The following FAM83G variants were observed in gnomAD, a reference collection of about 807,000 sequenced individuals.
FAM83G encodes protein FAM83G.
A neutral mutation model predicts 61.5 loss-of-function variants in FAM83G; 38 were observed. The ratio of observed to expected loss-of-function variants is 0.62; its 90% CI spans 0.48 to 0.81. FAM83G has a LOEUF of 0.81. FAM83G is among the 30% of genes least tolerant of loss of function. FAM83G has a pLI of 0.00. For synonymous variants in FAM83G, 470 were observed against 476.1 expected (o/e 0.99, Z 0.17); for missense variants, 989 against 1,133.6 (o/e 0.87, Z 1.83).
At position 18,971,573 on chromosome 17, in the gene FAM83G, C is replaced by G. The variant is rs769798616; in HGVS notation, c.2258G>C (p.Arg753Pro). The change falls in exon 6 of 6, where the codon CGC (arginine) becomes CCC (proline). Residue 753 changes from arginine to proline, a missense_variant. This residue lies in a region of FAM83G where 574 missense variants were observed against 645.1 expected (regional missense o/e 0.89). Coordinates refer to ENST00000388995, the MANE Select transcript of FAM83G (RefSeq NM_001039999.3). This position sits in a 1 kb window ranked among gnomAD's most constrained non-coding sequence, Gnocchi z 5.5. Reference sequence around the variant, plus strand: ...TGGGCTGCCGGGATCCGGAAGCAGGCGGGGTACCTGACCTCCCTTGGCCTG... The same window carrying G: ...TGGGCTGCCGGGATCCGGAAGCAGGGGGGGTACCTGACCTCCCTTGGCCTG... ...HWQAKGGQVP[R>P]LLPDPGSPRL... The G allele has an allele frequency of 1.9e-6, 3 of 1,613,480 alleles. No individual in the cohort carries two copies. Among genetic ancestry groups the G allele is most frequent in the Non-Finnish European group, 2.5e-6 (3 of 1,180,006 alleles).
Position 18,977,771 on chromosome 17 carries a change from C to T in FAM83G, c.1895G>A (p.Arg632His), listed in dbSNP as rs374490985. Residue 632 changes from arginine to histidine, a missense_variant, in exon 5 of 6, where the codon CGC becomes CAC. Transcript: ENST00000388995. ...CCCGTTGGCCACTTGCTCTGAGTGGCGCCTCCGGAGAGGGACTGAGTGCTC... is the reference window on the plus strand; with the variant it reads ...CCCGTTGGCCACTTGCTCTGAGTGGTGCCTCCGGAGAGGGACTGAGTGCTC... ...VREHSVPLRR[R>H]HSEQVANGPT... 50 of 1,602,178 alleles carry T rather than the reference C, an allele frequency of 3.1e-5. No homozygotes were observed. Among genetic ancestry groups the T allele is most frequent in the Middle Eastern group, 3.3e-4 (2 of 6,040 alleles).
chr17:18,995,814 A>T (rs2043553685), intron 2 of FAM83G, among the ~76,000 whole-genome samples: 1 of 152,044 alleles, frequency 6.6e-6, no homozygotes, highest in Admixed American at 6.6e-5. Flanking sequence ...AGGCTGAGGC[A>T]GGAGAATTGC....
chr17:18,978,507 C>T lies in FAM83G; in HGVS notation c.1159G>A (p.Glu387Lys), dbSNP rs1567791062. Residue 387 changes from glutamate to lysine, a missense_variant, in exon 5 of 6, where the codon GAA becomes AAA. Physicochemically the swap from Glu to Lys is moderately conservative, Grantham distance 56 (BLOSUM62 1). Transcript: ENST00000388995. ...ATGGGTGGCAGCAGCTCGGGGAGTT[C>T]CCCTGGATGCTCAGCCAGCGCTGGG... ...KGPALAEHPG[E>K]LPELLPPIHP... is the part of the protein sequence containing the mutation. The T allele has an allele frequency of 1.2e-6, 2 of 1,613,142 alleles. No individual in the cohort carries two copies. Among genetic ancestry groups the T allele is most frequent in the East Asian group, 2.2e-5 (1 of 44,886 alleles).
intron 3 of FAM83G, among the ~76,000 whole-genome samples, chr17:18,985,516 G>A (rs907153850): frequency 2.0e-5 from 3 of 152,110 alleles, no homozygotes; most frequent in Admixed American, 1.3e-4. Flanking sequence ...CAGGCCCAGG[G>A]ATTATCGGCA....
chr17:19,001,434 T>C (rs894957679), intron 2 of FAM83G, among the ~76,000 whole-genome samples: 16 of 152,192 alleles, frequency 1.1e-4, no homozygotes, highest in Admixed American at 9.8e-4. Context: ...GTTTCAGCAG[T>C]GAGTGCCCCA....
chr17:18,974,040 G>A (rs563912719), intron 5 of FAM83G, among the ~76,000 whole-genome samples: 1 of 152,146 alleles, frequency 6.6e-6, no homozygotes, highest in African/African-American at 2.4e-5. Flanking sequence ...TTACAAGCGT[G>A]TACCATCATG....
chr17:18,987,415 C>T (rs754464621), intron 3 of FAM83G, among the ~76,000 whole-genome samples: 14 of 152,210 alleles, frequency 9.2e-5, no homozygotes, highest in East Asian at 5.8e-4. Context: ...AAGTATTCGC[C>T]GTCATCACGC....
At position 18,971,410 on chromosome 17, in the gene FAM83G, T is replaced by C; in HGVS notation, c.2421A>G (p.Ser807=). ...KARTGGSQWA[S]SDSKRRAQAP... is the part of the protein sequence containing the mutation. ...CTTGAGCCCTCCGTTTAGAATCCGA[T>C]GAGGCCCACTGGCTACCGCCCGTCC... Residue 807 remains serine, a synonymous_variant, in exon 6 of 6, where the codon TCA becomes TCG. Transcript: ENST00000388995. The surrounding 1 kb of genome is among the most constrained non-coding windows in gnomAD (Gnocchi z 5.5). 6.2e-7 allele frequency: 1 copy of C among 1,613,854 alleles called. No homozygotes were observed.
At chr17:18,981,981 C>T (rs996304419) in intron 3 of FAM83G, among the ~76,000 whole-genome samples, 8 of 152,230 alleles carry the variant, frequency 5.3e-5, no homozygotes, top group Admixed American at 1.3e-4. Context: ...GCTCCTGGCC[C>T]GGCCACAGAC....
intron 2 of FAM83G, among the ~76,000 whole-genome samples, chr17:18,998,179 C>T (rs1322907647): frequency 6.6e-6 from 1 of 152,262 alleles, no homozygotes; most frequent in Non-Finnish European, 1.5e-5. Flanking sequence ...AGGCTGGGGC[C>T]AACGTGGGCC....
intron 2 of FAM83G, among the ~76,000 whole-genome samples, chr17:18,989,645 C>T (rs976091451): frequency 2.6e-5 from 4 of 152,212 alleles, no homozygotes; most frequent in Admixed American, 1.3e-4. Context: ...GCAAAGAGCC[C>T]GACGGGGGGC....
chr17:18,990,533 G>A (rs2043389966), intron 2 of FAM83G, among the ~76,000 whole-genome samples: 1 of 152,212 alleles, frequency 6.6e-6, no homozygotes, highest in Non-Finnish European at 1.5e-5. Context: ...CGTGGCAGAT[G>A]GGGACTTGCC....
At position 18,971,288 on chromosome 17, in the gene FAM83G, C is replaced by T; in HGVS notation, c.*71G>A. On this transcript the variant is annotated 3_prime_UTR_variant, in exon 6 of 6. Transcript: ENST00000388995. The surrounding 1 kb of genome is among the most constrained non-coding windows in gnomAD (Gnocchi z 5.5). The stretch of plus-strand genomic sequence containing the variant: ...AGTGGGCTCTGGTAGGCCCAGGCGG[C>T]CTGTCTGCCCTCCGCGTCATGAGTC... The T allele has an allele frequency of 6.2e-7, 1 of 1,609,502 alleles. No individual in the cohort carries two copies. The highest frequency in any genetic ancestry group is 8.5e-7 in the Non-Finnish European group (1 of 1,176,924).
rs918347304 is a variant in FAM83G, at chr17:18,979,267, G to A, written c.815+282C>T. 15 of 490,160 alleles carry A rather than the reference G, an allele frequency of 3.1e-5. 1 individual carries two copies. The highest frequency in any genetic ancestry group is 1.5e-4 in the African/African-American group (8 of 51,756). 30.4% of individuals were successfully genotyped at this position (490,160 alleles called of 1,614,324 possible). A position where few individuals can be genotyped will look rare whatever the true frequency, so the allele number is the denominator to read the frequency against. ...CAGAGCTGGCCCCATCCCTAAGGACGGCTCTCAGAGTGACCCCCATAGGCT... is the reference window on the plus strand; with the variant it reads ...CAGAGCTGGCCCCATCCCTAAGGACAGCTCTCAGAGTGACCCCCATAGGCT... On this transcript the variant is annotated intron_variant, in intron 4 of 5. Transcript: ENST00000388995.
chr17:18,970,838 A>T lies in FAM83G; in HGVS notation c.*521T>A. ...AAAATAGTCATTCAAATACACCTTAAAAAAAAAAACAACCCTCTACCCTCA... is the reference window on the plus strand; with the variant it reads ...AAAATAGTCATTCAAATACACCTTATAAAAAAAAACAACCCTCTACCCTCA... On this transcript the variant is annotated 3_prime_UTR_variant, in exon 6 of 6. Coordinates refer to ENST00000388995, the MANE Select transcript of FAM83G (RefSeq NM_001039999.3). The T allele has an allele frequency of 3.4e-6, 2 of 593,050 alleles. No individual in the cohort carries two copies. Among genetic ancestry groups the T allele is most frequent in the Non-Finnish European group, 5.8e-6 (2 of 343,196 alleles). 36.7% of individuals were successfully genotyped at this position (593,050 alleles called of 1,614,324 possible). A position where few individuals can be genotyped will look rare whatever the true frequency, so the allele number is the denominator to read the frequency against.
Position 19,004,159 on chromosome 17 carries a change from C to G in FAM83G, c.-118G>C, listed in dbSNP as rs1475877026. On this transcript the variant is annotated 5_prime_UTR_variant, in exon 2 of 6. Coordinates refer to ENST00000388995, the MANE Select transcript of FAM83G (RefSeq NM_001039999.3). This position sits in a 1 kb window ranked among gnomAD's most constrained non-coding sequence, Gnocchi z 5.4. ...CTCTCCGCGGCCTCTGCTTCTCTGC[C>G]CATGAGCAATCTGCGGGAAAGACCT... The G allele has an allele frequency of 1.9e-5, 19 of 1,019,766 alleles. No homozygotes were observed. The highest frequency in any genetic ancestry group is 2.9e-5 in the Admixed American group (1 of 34,420). 63.2% of individuals were successfully genotyped at this position (1,019,766 alleles called of 1,614,324 possible).
At chr17:18,988,932 C>G (rs534633263) in intron 2 of FAM83G, among the ~76,000 whole-genome samples, 1 of 152,328 alleles carries the variant, frequency 6.6e-6, no homozygotes, top group East Asian at 1.9e-4. Context: ...CCAAGCACCA[C>G]CAACAGGGCA....
Position 18,977,686 on chromosome 17 carries a change from A to C in FAM83G, c.1980T>G (p.Val660=). The stretch of plus-strand genomic sequence containing the variant: ...CCCATGGGGAGCCACCCTGGGGTCC[A>C]ACAAAGGTCCCTCGGGTTATATGGG... ...SAPHITRGTF[V]GPQGGSPWAQ... Residue 660 remains valine, a synonymous_variant, in exon 5 of 6, where the codon GTT becomes GTG. Coordinates refer to ENST00000388995, the MANE Select transcript of FAM83G (RefSeq NM_001039999.3). 2 of 1,610,692 alleles carry C rather than the reference A, an allele frequency of 1.2e-6. No individual in the cohort carries two copies. The highest frequency in any genetic ancestry group is 1.7e-6 in the Non-Finnish European group (2 of 1,179,810).
chr17:18,988,588 T>A (rs73981271), intron 2 of FAM83G, among the ~76,000 whole-genome samples, 174 bp from the exon 3 acceptor site: 15 of 152,354 alleles, frequency 9.8e-5, no homozygotes, highest in African/African-American at 3.6e-4. Context: ...GGGCCTCTCT[T>A]GCCCTGAAGT....
Sources: gnomAD v4.1 joint callset for allele counts (sites outside exome capture counted in the v4.1 genomes callset) on GRCh38, gnomAD v4.1.1 for gene constraint, gnomAD v4.1.1 regional missense constraint, Gnocchi (gnomAD v3.1) non-coding constraint, MANE v1.5 for transcripts, NCBI Gene and HGNC (gene_info 2026-07-23, HGNC 2026-07-21) for gene names.